Variants in TNFAIP8L3 observed in about 807,000 individuals in gnomAD.
TNFAIP8L3 encodes TNF alpha induced protein 8 like 3.
In TNFAIP8L3, 7 loss-of-function variants were observed where a neutral mutation model predicts 11.8. The ratio of observed to expected loss-of-function variants is 0.59; its 90% CI spans 0.34 to 1.11. TNFAIP8L3 has a LOEUF of 1.11. TNFAIP8L3 is among the 50% of genes most tolerant of loss of function. TNFAIP8L3 has a pLI of 0.03. For synonymous variants in TNFAIP8L3, 98 were observed against 103.8 expected, an observed-to-expected ratio of 0.94 and a Z score of 0.34; for missense variants, 219 against 258.6, an observed-to-expected ratio of 0.85 and a Z score of 1.05.
upstream of TNFAIP8L3, among the ~76,000 whole-genome samples, chr15:51,096,982 A>G (rs548472798): frequency 3.9e-5 from 6 of 152,308 alleles, no homozygotes; most frequent in Non-Finnish European, 5.9e-5. Context: ...AGCTGGGATC[A>G]TTTAAAAAGT....
chr15:51,084,751 T>C (rs2065415202), intron 1 of TNFAIP8L3, among the ~76,000 whole-genome samples: 1 of 152,176 alleles, frequency 6.6e-6, no homozygotes. Flanking sequence ...CCGGGGCCTT[T>C]AGAAGACAGG....
intron 1 of TNFAIP8L3, among the ~76,000 whole-genome samples, chr15:51,104,308 C>G (rs994867228): frequency 6.6e-6 from 1 of 152,148 alleles, no homozygotes; most frequent in African/African-American, 2.4e-5. Context: ...CTCCCCTTAT[C>G]CAGCCTTGCC....
intron 1 of TNFAIP8L3, among the ~76,000 whole-genome samples, chr15:51,088,726 A>G (rs1354581822): frequency 1.3e-5 from 2 of 152,208 alleles, no homozygotes; most frequent in Non-Finnish European, 2.9e-5. Context: ...CTGCTGGTAG[A>G]CAGGCCTGCC....
At chr15:51,060,418 G>A (rs1028845062) in intron 1 of TNFAIP8L3, among the ~76,000 whole-genome samples, 2 of 152,184 alleles carry the variant, frequency 1.3e-5, no homozygotes, top group Admixed American at 1.3e-4. Flanking sequence ...GAATGTAGAT[G>A]GATCCATTCT....
chr15:51,105,185 A>G, exon 1 of TNFAIP8L3: 3 of 1,612,838 alleles, frequency 1.9e-6, no homozygotes, highest in Non-Finnish European at 1.7e-6. Flanking sequence ...ATTTGGACTC[A>G]GGTGTCCTTC....
intron 1 of TNFAIP8L3, among the ~76,000 whole-genome samples, chr15:51,085,514 A>G (rs943782197): frequency 6.6e-6 from 1 of 152,200 alleles, no homozygotes; most frequent in African/African-American, 2.4e-5. Flanking sequence ...AACCTAAGAA[A>G]GGAAATGCAG....
At chr15:51,066,721 C>T (rs1264371874) in intron 1 of TNFAIP8L3, among the ~76,000 whole-genome samples, 1 of 152,130 alleles carries the variant, frequency 6.6e-6, no homozygotes, top group Non-Finnish European at 1.5e-5. Flanking sequence ...TGATAAAATG[C>T]TTCCTCAAGA....
At chr15:51,103,869 G>T (rs1324362679) in intron 1 of TNFAIP8L3, among the ~76,000 whole-genome samples, 2 of 152,196 alleles carry the variant, frequency 1.3e-5, no homozygotes, top group African/African-American at 4.8e-5. Flanking sequence ...AAGCATGTGG[G>T]ACATGTGCCT....
rs73408577 is a variant in TNFAIP8L3 at position 51,103,699 on chromosome 15, C to T, written c.172+1306G>A. Among the ~76,000 whole-genome samples the T allele has an allele frequency of 1.7e-3, 266 of 152,268 alleles. 1 individual carries two copies. Among genetic ancestry groups the T allele is most frequent in the African/African-American group, 5.7e-3 (236 of 41,566 alleles). ...TGTGGTCTTCTATCCTTCCAAACTC[C>T]GTGTTACTTTCTTCTAATGTATATT... is the stretch of plus-strand genomic sequence containing the variant. On this transcript the variant is annotated intron_variant, in intron 1 of 2. Coordinates refer to the TNFAIP8L3 transcript ENST00000327536.
At chr15:51,060,316 T>G (rs1009470593) in intron 1 of TNFAIP8L3, among the ~76,000 whole-genome samples, 1 of 152,222 alleles carries the variant, frequency 6.6e-6, no homozygotes. Flanking sequence ...TGAAGTCAAT[T>G]CCACAGATGA....
At chr15:51,067,024 C>CA (rs984693279) in intron 1 of TNFAIP8L3, among the ~76,000 whole-genome samples, 18 of 150,518 alleles carry the variant, frequency 1.2e-4, no homozygotes, top group African/African-American at 2.2e-4. Flanking sequence ...TAGAGACAAA[C>CA]AAAAAAAAAC....
intron 1 of TNFAIP8L3, among the ~76,000 whole-genome samples, chr15:51,062,943 A>G (rs2065249832): frequency 6.6e-6 from 1 of 152,090 alleles, no homozygotes; most frequent in Admixed American, 6.5e-5. Flanking sequence ...TTAGAGAAAG[A>G]GATGTGATGA....
chr15:51,076,970 T>G (rs936345409), intron 1 of TNFAIP8L3, among the ~76,000 whole-genome samples: 1 of 152,100 alleles, frequency 6.6e-6, no homozygotes, highest in Non-Finnish European at 1.5e-5. Context: ...GCGTTCCTCC[T>G]CTCCCGTGCT....
intron 1 of TNFAIP8L3, among the ~76,000 whole-genome samples, chr15:51,073,956 A>T (rs2065331786): frequency 6.6e-6 from 1 of 152,248 alleles, no homozygotes; most frequent in Admixed American, 6.5e-5. Flanking sequence ...ATGTAAATTT[A>T]ACCAATTATT....
upstream of TNFAIP8L3, among the ~76,000 whole-genome samples, chr15:51,096,477 C>T (rs145689781): frequency 6.8e-4 from 103 of 152,234 alleles, no homozygotes; most frequent in Admixed American, 4.3e-3. Context: ...AGTATGAAAG[C>T]TATTACCCAA....
At chr15:51,096,544 A>G (rs2065514600), upstream of TNFAIP8L3, among the ~76,000 whole-genome samples, 2 of 152,208 alleles carry the variant, frequency 1.3e-5, no homozygotes, top group Admixed American at 1.3e-4. Context: ...TTTAGATTGA[A>G]TGGATCCCAT....
chr15:51,076,496 T>C (rs2065351038), intron 1 of TNFAIP8L3, among the ~76,000 whole-genome samples: 1 of 152,218 alleles, frequency 6.6e-6, no homozygotes, highest in African/African-American at 2.4e-5. Context: ...AAGAATAGAA[T>C]TTTTTATACT....
intron 1 of TNFAIP8L3, among the ~76,000 whole-genome samples, chr15:51,076,981 G>A (rs2065355816): frequency 6.6e-6 from 1 of 152,124 alleles, no homozygotes; most frequent in Non-Finnish European, 1.5e-5. Flanking sequence ...CTCCCGTGCT[G>A]GATTCCTGCC....
Position 51,094,621 on chromosome 15 carries a change from A to G in TNFAIP8L3, c.-26T>C. ...GCTGCGGGCTGCTGGCTGGGCGTCC[A>G]CGGCCACCCGCCCGTCTGCGGGGCG... On this transcript the variant is annotated 5_prime_UTR_variant, in exon 1 of 2. Transcript: ENST00000637513. The surrounding 1 kb of genome is among the most constrained non-coding windows in gnomAD (Gnocchi z 4.4). 1.4e-6 allele frequency: 2 copies of G among 1,458,436 alleles called. No homozygotes were observed. Among genetic ancestry groups the G allele is most frequent in the Admixed American group, 2.4e-5 (1 of 41,748 alleles). 90.3% of individuals were successfully genotyped at this position (1,458,436 alleles called of 1,614,324 possible). A position where few individuals can be genotyped will look rare whatever the true frequency, so the allele number is the denominator to read the frequency against.
Sources: gnomAD v4.1 joint callset for allele counts (sites outside exome capture counted in the v4.1 genomes callset) on GRCh38, gnomAD v4.1.1 for gene constraint, Gnocchi (gnomAD v3.1) non-coding constraint, MANE v1.5 for transcripts, NCBI Gene and HGNC (gene_info 2026-07-23, HGNC 2026-07-21) for gene names.